The following PARP11 variants were observed in gnomAD, a reference collection of about 807,000 sequenced individuals.
PARP11 encodes protein mono-ADP-ribosyltransferase PARP11.
A neutral mutation model predicts 42.9 loss-of-function variants in PARP11; 31 were observed. The ratio of observed to expected loss-of-function variants is 0.72; its 90% CI spans 0.54 to 0.98. PARP11 has a LOEUF of 0.98. PARP11 is among the 50% of genes least tolerant of loss of function. The pLI is 0.00. For synonymous variants in PARP11, 137 were observed against 127.3 expected (o/e 1.08, Z -0.51); for missense variants, 365 against 413.1 (o/e 0.88, Z 1.01).
intron 3 of PARP11, among the ~76,000 whole-genome samples, chr12:3,828,017 T>A (rs1422181973): frequency 6.6e-6 from 1 of 152,200 alleles, no homozygotes; most frequent in Non-Finnish European, 1.5e-5. Flanking sequence ...TTTCATGGGA[T>A]ACCCCAAAAC....
intron 1 of PARP11, among the ~76,000 whole-genome samples, chr12:3,870,292 G>A (rs183622620): frequency 6.6e-6 from 1 of 152,306 alleles, no homozygotes; most frequent in East Asian, 1.9e-4. Flanking sequence ...ATAAAATACA[G>A]TAGCAGTAAG....
intron 1 of PARP11, chr12:3,832,172 A>G: frequency 8.3e-6 from 8 of 960,510 alleles, no homozygotes; most frequent in Non-Finnish European, 9.9e-6. Flanking sequence ...ATCCTTTCAG[A>G]GCTTTCTGTT....
chr12:3,811,871 T>C lies in PARP11; in HGVS notation c.*252A>G, dbSNP rs1947184069. ...ACTCAGCTGATTCCATTTTGAATGG[T>C]ATCTTTCACCCCTATGTGTTAAAAC... On this transcript the variant is annotated 3_prime_UTR_variant, in exon 8 of 8. Transcript: ENST00000228820. 2.3e-6 allele frequency: 1 copy of C among 429,258 alleles called. No individual in the cohort carries two copies. Among genetic ancestry groups the C allele is most frequent in the African/African-American group, 2.0e-5 (1 of 49,086 alleles). The allele number at this position is 429,258 out of a possible 1,614,324, so 26.6% of individuals were successfully genotyped here.
intron 1 of PARP11, among the ~76,000 whole-genome samples, chr12:3,850,594 AG>A (rs1318710435): frequency 2.0e-5 from 3 of 152,236 alleles, no homozygotes; most frequent in African/African-American, 7.2e-5. Context: ...CGCCAATGGC[AG>A]GTTCCTCACA....
At chr12:3,822,046 G>A in intron 5 of PARP11, 39 bp downstream of exon 5, 2 of 1,609,026 alleles carry the variant, frequency 1.2e-6, no homozygotes, top group Non-Finnish European at 8.5e-7. Context: ...GTCATTTCCG[G>A]TTTCTTTCAT....
chr12:3,841,038 G>A lies in PARP11; in HGVS notation c.19-11020C>T, dbSNP rs562471187. On this transcript the variant is annotated intron_variant, in intron 1 of 7. Transcript: ENST00000228820. ...CTGGTCGGTCAGTGACACAGACTTT[G>A]ACCCCTGGACCTGATTCTGCTGTAT... The A allele has an allele frequency of 5.0e-4, 798 of 1,584,148 alleles. 1 individual carries two copies. Among genetic ancestry groups the A allele is most frequent in the Non-Finnish European group, 5.6e-4 (645 of 1,152,948 alleles).
At chr12:3,848,746 A>C (rs1948043823) in intron 1 of PARP11, among the ~76,000 whole-genome samples, 1 of 152,186 alleles carries the variant, frequency 6.6e-6, no homozygotes, top group South Asian at 2.1e-4. Flanking sequence ...TGGTCTGGGC[A>C]AGATTTTTTG....
At chr12:3,847,409 AAAAATC>A (rs1948025180) in intron 1 of PARP11, among the ~76,000 whole-genome samples, 1 of 152,188 alleles carries the variant, frequency 6.6e-6, no homozygotes, top group Non-Finnish European at 1.5e-5. Context: ...ACATAGATGC[AAAAATC>A]CTCAATAAAA....
chr12:3,826,829 T>C (rs887526951), intron 3 of PARP11, among the ~76,000 whole-genome samples: 2 of 152,208 alleles, frequency 1.3e-5, no homozygotes, highest in Non-Finnish European at 2.9e-5. Context: ...AAGGTATCAT[T>C]TTCTGCTTTC....
intron 1 of PARP11, among the ~76,000 whole-genome samples, chr12:3,849,075 A>G (rs11532328): frequency 0.02 from 3,121 of 152,266 alleles, 133 homozygotes; most frequent in East Asian, 0.15. Flanking sequence ...CAAAATCACT[A>G]ATTTTCAGAG....
chr12:3,816,537 C>A (rs1172146008), intron 6 of PARP11, among the ~76,000 whole-genome samples: 2 of 152,244 alleles, frequency 1.3e-5, no homozygotes, highest in African/African-American at 4.8e-5. Flanking sequence ...CCAAGCTAGA[C>A]TGTCTAAGGG....
Position 3,828,972 on chromosome 12 carries a change from G to A in PARP11, c.206C>T (p.Thr69Ile), listed in dbSNP as rs1167168072. The A allele has an allele frequency of 6.2e-7, 1 of 1,613,956 alleles. No homozygotes were observed. Among genetic ancestry groups the A allele is most frequent in the Non-Finnish European group, 8.5e-7 (1 of 1,179,890 alleles). The change falls in exon 3 of 8, where the codon ACA becomes ATA. Residue 69 changes from threonine (T) to isoleucine (I), a missense_variant. Transcript: ENST00000228820. ...SSEDIEKSFK[T>I]NPCGSISFTT... ...AAAAGAAATGGAGCCACAAGGGTTT[G>A]TTTTGAAGCTTTTTTCGATATCTTC... is the stretch of plus-strand genomic sequence containing the variant.
At chr12:3,859,691 A>T (rs1948263846) in intron 1 of PARP11, among the ~76,000 whole-genome samples, 1 of 152,194 alleles carries the variant, frequency 6.6e-6, no homozygotes, top group African/African-American at 2.4e-5. Flanking sequence ...ATCCAGCTAT[A>T]TGCTGTCCAC....
At chr12:3,857,126 G>A (rs555755617) in intron 1 of PARP11, among the ~76,000 whole-genome samples, 13 of 151,892 alleles carry the variant, frequency 8.6e-5, no homozygotes, top group Admixed American at 3.3e-4. Context: ...AGGGCCTGTC[G>A]GGGGGTGGGG....
At chr12:3,839,667 A>T in intron 1 of PARP11, 2 of 966,116 alleles carry the variant, frequency 2.1e-6, no homozygotes, top group Non-Finnish European at 3.4e-6. Flanking sequence ...CTAATCTGGA[A>T]CCTAATGTTT....
At chr12:3,820,377 C>G (rs1947369003) in intron 6 of PARP11, among the ~76,000 whole-genome samples, 1 of 152,126 alleles carries the variant, frequency 6.6e-6, no homozygotes, top group African/African-American at 2.4e-5. Context: ...TGACACGCTG[C>G]CCTTATAATG....
chr12:3,842,284 A>C, intron 1 of PARP11: 2 of 1,599,622 alleles, frequency 1.3e-6, no homozygotes, highest in Non-Finnish European at 1.7e-6. Context: ...GAGAAGTGGT[A>C]GATCCAAGCA....
chr12:3,846,028 A>G (rs1173552678), intron 1 of PARP11, among the ~76,000 whole-genome samples: 2 of 152,348 alleles, frequency 1.3e-5, no homozygotes, highest in East Asian at 3.9e-4. Context: ...TGAAGATGTG[A>G]TCATTTGTGA....
Position 3,840,568 on chromosome 12 carries a change from C to A in PARP11, c.19-10550G>T. ...TTCACAGATCATAAGAAAACCTGAT[C>A]GTGAAAGAGTTGAGGATTCTGATCA... On this transcript the variant is annotated intron_variant, in intron 1 of 7. Coordinates refer to ENST00000228820, the MANE Select transcript of PARP11 (RefSeq NM_020367.6). This position sits in a 1 kb window ranked among gnomAD's most constrained non-coding sequence, Gnocchi z 4.4. 8 of 1,534,970 alleles carry A rather than the reference C, an allele frequency of 5.2e-6. No individual in the cohort carries two copies.
Sources: allele counts gnomAD v4.1 joint callset (sites outside exome capture counted in the v4.1 genomes callset), GRCh38; gene constraint gnomAD v4.1.1; non-coding constraint Gnocchi (gnomAD v3.1); transcripts MANE v1.5; gene names NCBI Gene and HGNC (gene_info 2026-07-23, HGNC 2026-07-21).